DOCK3: variants seen among roughly 807,000 people sequenced by gnomAD.
DOCK3 encodes the protein dedicator of cytokinesis 3, also known as dedicator of cytokinesis protein 3.
In DOCK3, 60 loss-of-function variants were observed where a neutral mutation model predicts 265.6. The ratio of observed to expected loss-of-function variants is 0.23; its 90% CI spans 0.18 to 0.28. The LOEUF is 0.28. Among genes scored for constraint, DOCK3 ranks in the 10% least tolerant of loss-of-function variants. DOCK3 has a pLI of 1.00. For synonymous variants in DOCK3, 881 were observed against 938.0 expected (o/e 0.94, Z 1.11); for missense variants, 1,981 against 2,594.3 (o/e 0.76, Z 5.14).
intron 12 of DOCK3, among the ~76,000 whole-genome samples, chr3:51,191,334 TG>T (rs2087935607): frequency 6.6e-6 from 1 of 152,164 alleles, no homozygotes; most frequent in Non-Finnish European, 1.5e-5. Flanking sequence ...CTGAGACTAC[TG>T]CCTGAGTTAG....
At chr3:51,272,443 ATTTTTTTTTTTT>A (rs11371306) in intron 24 of DOCK3, among the ~76,000 whole-genome samples, 1 of 132,668 alleles carries the variant, frequency 7.5e-6, no homozygotes. Context: ...TGCCTGGCTA[ATTTTTTTTTTTT>A]TTTTTGTATT....
At chr3:51,011,828 G>A (rs2078964406) in intron 5 of DOCK3, among the ~76,000 whole-genome samples, 1 of 152,152 alleles carries the variant, frequency 6.6e-6, no homozygotes, top group Non-Finnish European at 1.5e-5. Flanking sequence ...CTGTTTGTTA[G>A]TTTTCCTTCT....
At chr3:50,968,171 T>A (rs771773584) in intron 5 of DOCK3, among the ~76,000 whole-genome samples, 1 of 152,206 alleles carries the variant, frequency 6.6e-6, no homozygotes, top group East Asian at 1.9e-4. Flanking sequence ...TCTTCCTTTT[T>A]ACTTTCATTT....
At chr3:50,850,613 C>T (rs73079145) in intron 3 of DOCK3, among the ~76,000 whole-genome samples, 6,781 of 152,226 alleles carry the variant, frequency 0.045, 203 homozygotes, top group Non-Finnish European at 0.064. Flanking sequence ...GAGACACTGG[C>T]ACTTCTAATT....
chr3:51,350,091 G>A (rs1336238685), intron 39 of DOCK3, among the ~76,000 whole-genome samples, 197 bp from the exon 40 acceptor site: 2 of 152,198 alleles, frequency 1.3e-5, no homozygotes, highest in African/African-American at 4.8e-5. Context: ...CCATCAGACA[G>A]TGGTGATGGA....
At chr3:51,026,009 T>A (rs754006267) in intron 5 of DOCK3, among the ~76,000 whole-genome samples, 21 of 152,106 alleles carry the variant, frequency 1.4e-4, no homozygotes, top group Non-Finnish European at 2.5e-4. Context: ...GTCTGTAGAT[T>A]CTTTTGATTT....
At chr3:51,128,499 G>A (rs2084365590) in intron 9 of DOCK3, among the ~76,000 whole-genome samples, 2 of 152,180 alleles carry the variant, frequency 1.3e-5, no homozygotes, top group Non-Finnish European at 2.9e-5. Flanking sequence ...TTCTTTAGCC[G>A]TAAAAGTGAG....
intron 9 of DOCK3, among the ~76,000 whole-genome samples, chr3:51,114,031 C>G (rs772961704): frequency 2.0e-5 from 3 of 151,798 alleles, no homozygotes; most frequent in Non-Finnish European, 4.4e-5. Flanking sequence ...ATGACTTGAG[C>G]CCTGGAGGTC....
At chr3:51,355,404 G>T (rs377521135) in intron 41 of DOCK3, among the ~76,000 whole-genome samples, 9 of 152,318 alleles carry the variant, frequency 5.9e-5, no homozygotes, top group African/African-American at 2.2e-4. Context: ...TACCACCTGT[G>T]CTGTGCCCTG....
intron 3 of DOCK3, among the ~76,000 whole-genome samples, chr3:50,866,306 GA>G (rs2047141577): frequency 6.6e-6 from 1 of 152,016 alleles, no homozygotes; most frequent in South Asian, 2.1e-4. Flanking sequence ...CCAACATGGT[GA>G]AATCCCGTCT....
chr3:51,373,595 G>T (rs2087853773), intron 49 of DOCK3, among the ~76,000 whole-genome samples: 2 of 152,190 alleles, frequency 1.3e-5, no homozygotes, highest in South Asian at 2.1e-4. Context: ...TGGACCTACG[G>T]CTATGGTCTG....
At chr3:50,820,212 A>T (rs1034552281) in intron 2 of DOCK3, among the ~76,000 whole-genome samples, 1 of 152,170 alleles carries the variant, frequency 6.6e-6, no homozygotes, top group Non-Finnish European at 1.5e-5. Flanking sequence ...ACTTGCTTTC[A>T]CTTTACTCTG....
intron 28 of DOCK3, among the ~76,000 whole-genome samples, chr3:51,311,771 A>C (rs115817553): frequency 0.013 from 2,037 of 152,302 alleles, 54 homozygotes; most frequent in African/African-American, 0.045. Context: ...TCTAGAACCC[A>C]CTGATGTCCT....
At chr3:51,105,764 G>T (rs1259087939) in intron 9 of DOCK3, among the ~76,000 whole-genome samples, 1 of 152,138 alleles carries the variant, frequency 6.6e-6, no homozygotes, top group Non-Finnish European at 1.5e-5. Flanking sequence ...CATCTTCAGA[G>T]GGAAGACATT....
intron 1 of DOCK3, among the ~76,000 whole-genome samples, chr3:50,683,655 G>A (rs896460183): frequency 6.6e-6 from 1 of 152,176 alleles, no homozygotes; most frequent in Non-Finnish European, 1.5e-5. Context: ...GAAAGATGCT[G>A]CTAAAAAGTC....
At chr3:50,881,987 A>G (rs1483275374) in intron 3 of DOCK3, among the ~76,000 whole-genome samples, 3 of 152,198 alleles carry the variant, frequency 2.0e-5, no homozygotes, top group Admixed American at 6.5e-5. Flanking sequence ...CTGCTCTTTG[A>G]CAAACCTGAC....
intron 27 of DOCK3, among the ~76,000 whole-genome samples, chr3:51,308,610 G>A (rs1038071805): frequency 5.9e-5 from 9 of 152,194 alleles, no homozygotes; most frequent in Admixed American, 3.9e-4. Context: ...AGTCTCCCAC[G>A]TCTACTTCTT....
chr3:51,155,215 C>G (rs1397342517), intron 10 of DOCK3, among the ~76,000 whole-genome samples: 1 of 152,006 alleles, frequency 6.6e-6, no homozygotes, highest in African/African-American at 2.4e-5. Context: ...TCAAACAACC[C>G]TCCCACCTTG....
intron 5 of DOCK3, among the ~76,000 whole-genome samples, chr3:51,055,774 A>G (rs187501865): frequency 7.2e-5 from 11 of 152,008 alleles, no homozygotes; most frequent in Non-Finnish European, 1.5e-4. Context: ...CTACCTTTCT[A>G]CCTTTGGTGT....
Sources: allele counts gnomAD v4.1 joint callset (sites outside exome capture counted in the v4.1 genomes callset), GRCh38; gene constraint gnomAD v4.1.1; transcripts MANE v1.5; gene names NCBI Gene and HGNC (gene_info 2026-07-23, HGNC 2026-07-21).